Variants in XKR4 observed in about 807,000 individuals in gnomAD.
The protein encoded by XKR4 is XK-related protein 4.
XKR4 carries 12 observed loss-of-function variants against 53.9 expected under a neutral mutation model. The ratio of observed to expected loss-of-function variants is 0.22; its 90% CI spans 0.14 to 0.36. The LOEUF is 0.36. Among genes scored for constraint, XKR4 ranks in the 10% least tolerant of loss-of-function variants. XKR4 has a pLI of 1.00. For missense variants in XKR4, 799 were observed against 859.5 expected, an observed-to-expected ratio of 0.93 and a Z score of 0.88; for synonymous variants, 354 against 362.4, an observed-to-expected ratio of 0.98 and a Z score of 0.26.
intron 1 of XKR4, among the ~76,000 whole-genome samples, chr8:55,271,237 G>T (rs934957245): frequency 9.2e-5 from 14 of 151,880 alleles, no homozygotes; most frequent in Admixed American, 6.6e-4. Context: ...CCTCTCCGTG[G>T]CTTCCTTTAT....
intron 2 of XKR4, among the ~76,000 whole-genome samples, chr8:55,410,516 G>A (rs925937700): frequency 1.4e-4 from 22 of 152,256 alleles, no homozygotes; most frequent in South Asian, 1.2e-3. Flanking sequence ...CTGGACAGAC[G>A]CTCCACCAGC....
At chr8:55,324,037 T>C (rs1375252999) in intron 1 of XKR4, among the ~76,000 whole-genome samples, 1 of 152,234 alleles carries the variant, frequency 6.6e-6, no homozygotes, top group Non-Finnish European at 1.5e-5. Context: ...AGTACAGTTA[T>C]AATAGTCATT....
chr8:55,522,976 A>C (rs1170073624), intron 2 of XKR4, among the ~76,000 whole-genome samples: 1 of 152,034 alleles, frequency 6.6e-6, no homozygotes, highest in Non-Finnish European at 1.5e-5. Flanking sequence ...CCCCGTCTCT[A>C]CTAAAAATAT....
At chr8:55,452,343 C>A in intron 2 of XKR4, 1 of 627,430 alleles carries the variant, frequency 1.6e-6, no homozygotes, top group Admixed American at 2.4e-5. Context: ...CACCTTCTCC[C>A]CCACCAGGGG....
At chr8:55,253,619 C>T (rs1385008278) in intron 1 of XKR4, among the ~76,000 whole-genome samples, 4 of 152,082 alleles carry the variant, frequency 2.6e-5, no homozygotes, top group African/African-American at 9.7e-5. Context: ...GGCAGCAAGT[C>T]ACATTTTATT....
chr8:55,511,210 C>T (rs1233577627), intron 2 of XKR4, among the ~76,000 whole-genome samples: 1 of 152,176 alleles, frequency 6.6e-6, no homozygotes, highest in African/African-American at 2.4e-5. Context: ...AGTCCTTTTC[C>T]TGCTCCCCCT....
chr8:55,403,816 G>A (rs1804644967), intron 2 of XKR4, among the ~76,000 whole-genome samples: 1 of 152,098 alleles, frequency 6.6e-6, no homozygotes, highest in Non-Finnish European at 1.5e-5. Context: ...CATTTTGTAA[G>A]TAACTTTAGT....
At chr8:55,140,255 T>G (rs1344447557) in intron 1 of XKR4, 1 of 309,532 alleles carries the variant, frequency 3.2e-6, no homozygotes, top group African/African-American at 2.2e-5. Flanking sequence ...TAGATTCCAT[T>G]TTAACTCTTA....
chr8:55,229,429 T>C (rs1414704412), intron 1 of XKR4, among the ~76,000 whole-genome samples: 1 of 152,240 alleles, frequency 6.6e-6, no homozygotes, highest in Non-Finnish European at 1.5e-5. Context: ...CGTTTCAGGC[T>C]TCGTGGTATC....
chr8:55,228,869 A>T (rs950990018), intron 1 of XKR4, among the ~76,000 whole-genome samples: 2 of 150,356 alleles, frequency 1.3e-5, no homozygotes, highest in Non-Finnish European at 3.0e-5. Context: ...ACACACACAC[A>T]CATTCTCTCT....
At chr8:55,363,744 G>T (rs1803934623) in intron 2 of XKR4, among the ~76,000 whole-genome samples, 1 of 152,152 alleles carries the variant, frequency 6.6e-6, no homozygotes, top group South Asian at 2.1e-4. Flanking sequence ...CCTACCTCTG[G>T]ATTCTGCAGA....
chr8:55,509,696 T>A (rs536086006), intron 2 of XKR4, among the ~76,000 whole-genome samples: 1 of 152,330 alleles, frequency 6.6e-6, no homozygotes, highest in African/African-American at 2.4e-5. Flanking sequence ...CTGGCTTTGG[T>A]ACTCCTGAAC....
intron 2 of XKR4, among the ~76,000 whole-genome samples, chr8:55,433,235 A>G (rs1183348425): frequency 6.6e-6 from 1 of 152,246 alleles, no homozygotes; most frequent in African/African-American, 2.4e-5. Flanking sequence ...TTTCTTAAAT[A>G]CTAGTTAACA....
intron 1 of XKR4, among the ~76,000 whole-genome samples, chr8:55,320,906 T>A (rs1215308531): frequency 1.3e-5 from 2 of 152,046 alleles, no homozygotes; most frequent in African/African-American, 4.8e-5. Flanking sequence ...AGCCACAAAC[T>A]CCTTGAATGA....
chr8:55,346,769 G>A (rs1447838102), intron 1 of XKR4, among the ~76,000 whole-genome samples: 1 of 149,232 alleles, frequency 6.7e-6, no homozygotes, highest in Non-Finnish European at 1.5e-5. Flanking sequence ...AATATCACTT[G>A]CTGGAATCAC....
chr8:55,406,536 C>T (rs1010423022), intron 2 of XKR4, among the ~76,000 whole-genome samples: 4 of 152,250 alleles, frequency 2.6e-5, no homozygotes, highest in Admixed American at 1.3e-4. Context: ...TGCCTGGCCC[C>T]GGAACCAAGG....
intron 1 of XKR4, among the ~76,000 whole-genome samples, chr8:55,168,073 C>T (rs914220996): frequency 2.6e-5 from 4 of 152,106 alleles, no homozygotes; most frequent in African/African-American, 7.2e-5. Flanking sequence ...AATTGGGAAA[C>T]TCTTAGATTC....
intron 1 of XKR4, among the ~76,000 whole-genome samples, chr8:55,148,388 G>C (rs1267826100): frequency 6.6e-6 from 1 of 151,902 alleles, no homozygotes; most frequent in African/African-American, 2.4e-5. Context: ...GTGGGTAACA[G>C]AGGAAGACCC....
At chr8:55,376,708 A>T (rs951340846) in intron 2 of XKR4, among the ~76,000 whole-genome samples, 1 of 152,160 alleles carries the variant, frequency 6.6e-6, no homozygotes, top group East Asian at 1.9e-4. Flanking sequence ...CATCTGTATC[A>T]TATGTGTGGA....
Sources: allele counts gnomAD v4.1 joint callset (sites outside exome capture counted in the v4.1 genomes callset), GRCh38; gene constraint gnomAD v4.1.1; transcripts MANE v1.5; gene names NCBI Gene and HGNC (gene_info 2026-07-23, HGNC 2026-07-21).